ABCA8: variants seen among roughly 807,000 people sequenced by gnomAD.
The protein encoded by ABCA8 is ATP binding cassette subfamily A member 8, also known as ABC-type organic anion transporter ABCA8.
In ABCA8, 177 loss-of-function variants were observed where a neutral mutation model predicts 192.3. The observed-to-expected ratio is 0.92, with a 90% confidence interval of 0.81 to 1.04. ABCA8 has a LOEUF of 1.04. Among genes scored for constraint, ABCA8 ranks in the 50% least tolerant of loss-of-function variants. The probability of loss-of-function intolerance (pLI) is 0.00; values close to 1 mark genes in which losing one functional copy is unlikely to be tolerated. For synonymous variants in ABCA8, 642 were observed against 690.2 expected, an observed-to-expected ratio of 0.93 and a Z score of 1.09; for missense variants, 1,915 against 1,904.8, an observed-to-expected ratio of 1.01 and a Z score of -0.10.
chr17:68,913,362 A>C (rs532235366), intron 17 of ABCA8, among the ~76,000 whole-genome samples: 194 of 152,054 alleles, frequency 1.3e-3, no homozygotes, highest in African/African-American at 4.6e-3. Context: ...GCAAACCAAA[A>C]CCAAAAGTCG....
intron 19 of ABCA8, 38 bp from the exon 20 acceptor site, chr17:68,903,537 T>C (rs1365587324): frequency 6.3e-7 from 1 of 1,592,142 alleles, no homozygotes; most frequent in East Asian, 2.2e-5. Context: ...ATGTACTTTA[T>C]TGAGCTTACT....
intron 4 of ABCA8, among the ~76,000 whole-genome samples, chr17:68,939,679 T>C (rs1471855574): frequency 2.0e-5 from 3 of 152,134 alleles, no homozygotes; most frequent in Non-Finnish European, 4.4e-5. Context: ...TTTACTTCTG[T>C]TGGTGATAAA....
intron 17 of ABCA8, among the ~76,000 whole-genome samples, chr17:68,916,721 A>G (rs1474984814): frequency 6.6e-6 from 1 of 152,218 alleles, no homozygotes; most frequent in East Asian, 1.9e-4. Context: ...ACTTAAGAAT[A>G]TATTAACACC....
intron 21 of ABCA8, among the ~76,000 whole-genome samples, chr17:68,902,274 G>C (rs62087820): frequency 1.3e-5 from 2 of 152,048 alleles, no homozygotes; most frequent in Non-Finnish European, 2.9e-5. Context: ...ATTTGTGATT[G>C]CTGAGGAGTT....
At chr17:68,907,247 GCAAGGT>G (rs1440104643) in intron 18 of ABCA8, among the ~76,000 whole-genome samples, 1 of 152,038 alleles carries the variant, frequency 6.6e-6, no homozygotes, top group African/African-American at 2.4e-5. Flanking sequence ...CACATATACA[GCAAGGT>G]TAATTGTTTC....
In ABCA8 at chr17:68,869,865, C is replaced by G; in HGVS notation, c.4632-86G>C. The G allele has an allele frequency of 2.1e-6, 2 of 937,644 alleles. 1 individual carries two copies. The highest frequency in any genetic ancestry group is 3.0e-5 in the South Asian group (2 of 67,400). The allele number at this position is 937,644 out of a possible 1,614,324, so 58.1% of individuals were successfully genotyped here. ...AATCATCTCTCTGGTCTTTTTTTTTCTTTTAAAAAATGGTGTTAGGAACAT... is the reference window on the plus strand; with the variant it reads ...AATCATCTCTCTGGTCTTTTTTTTTGTTTTAAAAAATGGTGTTAGGAACAT... On this transcript the variant is annotated intron_variant, in intron 37 of 39. Transcript: ENST00000586539.
chr17:68,953,682 A>G (rs4147950), intron 1 of ABCA8, among the ~76,000 whole-genome samples: 55,576 of 152,092 alleles, frequency 0.37, 11,254 homozygotes, highest in East Asian at 0.68. Flanking sequence ...AAAATTCAGC[A>G]TGGATACTTT....
Position 68,903,454 on chromosome 17 carries a change from G to A in ABCA8, c.2444C>T (p.Thr815Ile). 2 of 1,614,080 alleles carry A rather than the reference G, an allele frequency of 1.2e-6. No individual in the cohort carries two copies. Among genetic ancestry groups the A allele is most frequent in the Non-Finnish European group, 1.7e-6 (2 of 1,180,020 alleles). Residue 815 changes from threonine (T) to isoleucine (I), a missense_variant, in exon 20 of 40, where the codon ACT becomes ATT. Transcript: ENST00000586539. ...GEVQAEKADD[T>I]ERLVEMEQVL... ...TTGTTCCATCTCAACAAGCCTTTCA[G>A]TGTCGTCAGCTTTTTCCGCTTGTAC...
intron 1 of ABCA8, among the ~76,000 whole-genome samples, chr17:68,953,814 A>G (rs887064015): frequency 6.6e-6 from 1 of 151,606 alleles, no homozygotes; most frequent in African/African-American, 2.4e-5. Flanking sequence ...ATGTGCTACT[A>G]CTCCTACCGG....
intron 21 of ABCA8, among the ~76,000 whole-genome samples, chr17:68,897,798 GAT>G: frequency 1.3e-5 from 2 of 152,110 alleles, no homozygotes; most frequent in South Asian, 4.2e-4. Context: ...TATTAAATGG[GAT>G]TATGCAACCT....
At chr17:68,902,335 T>A (rs2066937111) in intron 21 of ABCA8, among the ~76,000 whole-genome samples, 1 of 152,120 alleles carries the variant, frequency 6.6e-6, no homozygotes, top group South Asian at 2.1e-4. Context: ...GGTTTCTTTA[T>A]GGGGTGATGA....
chr17:68,946,749 C>T (rs994659232), intron 2 of ABCA8, among the ~76,000 whole-genome samples: 9 of 151,916 alleles, frequency 5.9e-5, no homozygotes, highest in African/African-American at 1.7e-4. Context: ...TACCAGCCTG[C>T]GCAACATGGT....
At chr17:68,896,999 G>A (rs1050252101) in intron 21 of ABCA8, among the ~76,000 whole-genome samples, 24 of 152,272 alleles carry the variant, frequency 1.6e-4, no homozygotes, top group Admixed American at 1.2e-3. Flanking sequence ...GAACAGAAAC[G>A]TGTTCTTATG....
At chr17:68,921,108 C>A (rs1335083706) in intron 13 of ABCA8, among the ~76,000 whole-genome samples, 1 of 152,008 alleles carries the variant, frequency 6.6e-6, no homozygotes, top group Non-Finnish European at 1.5e-5. Flanking sequence ...GGACAAAAAA[C>A]CAAACGCCGC....
chr17:68,907,165 G>T (rs2067090025), intron 18 of ABCA8, among the ~76,000 whole-genome samples: 1 of 152,012 alleles, frequency 6.6e-6, no homozygotes, highest in Admixed American at 6.5e-5. Context: ...ACACTTTCCT[G>T]ATGATTCTAA....
At chr17:68,910,033 C>A (rs1216605441) in intron 17 of ABCA8, among the ~76,000 whole-genome samples, 1 of 152,156 alleles carries the variant, frequency 6.6e-6, no homozygotes, top group African/African-American at 2.4e-5. Flanking sequence ...AACAACACTT[C>A]TATTTTAAAC....
intron 10 of ABCA8, among the ~76,000 whole-genome samples, chr17:68,927,483 A>G (rs1176167759): frequency 6.6e-6 from 1 of 152,124 alleles, no homozygotes; most frequent in Non-Finnish European, 1.5e-5. Context: ...GATTAATTAA[A>G]TCAGAATCTC....
intron 17 of ABCA8, among the ~76,000 whole-genome samples, chr17:68,917,120 A>G (rs1012654991): frequency 6.6e-6 from 1 of 152,136 alleles, no homozygotes; most frequent in African/African-American, 2.4e-5. Context: ...ACACAAAAAA[A>G]CTTAGCTGGG....
chr17:68,897,692 G>T (rs1030485539), intron 21 of ABCA8, among the ~76,000 whole-genome samples: 6 of 152,088 alleles, frequency 3.9e-5, no homozygotes, highest in African/African-American at 1.4e-4. Context: ...AGAAATTCTG[G>T]AGTTGAAAGT....
Sources: gnomAD v4.1 joint callset for allele counts (sites outside exome capture counted in the v4.1 genomes callset) on GRCh38, gnomAD v4.1.1 for gene constraint, MANE v1.5 for transcripts, NCBI Gene and HGNC (gene_info 2026-07-23, HGNC 2026-07-21) for gene names.